CTNNA2: variants seen among roughly 807,000 people sequenced by gnomAD.
CTNNA2 encodes the protein catenin alpha 2.
In CTNNA2, 42 loss-of-function variants were observed where a neutral mutation model predicts 101.0. That is an observed-to-expected ratio of 0.42 (90% CI 0.32 to 0.54). CTNNA2 has a LOEUF of 0.54. CTNNA2 is among the 20% of genes least tolerant of loss of function. The pLI is 0.14. For synonymous variants in CTNNA2, 450 were observed against 456.4 expected, an observed-to-expected ratio of 0.99 and a Z score of 0.18; for missense variants, 871 against 1,223.1, an observed-to-expected ratio of 0.71 and a Z score of 4.29.
At chr2:79,385,996 G>A (rs752021572) in intron 4 of CTNNA2, among the ~76,000 whole-genome samples, 1 of 152,130 alleles carries the variant, frequency 6.6e-6, no homozygotes, top group Non-Finnish European at 1.5e-5. Context: ...AAACATACAT[G>A]TGCATGTGTC....
At chr2:80,288,546 AGGT>A (rs1348134505) in intron 7 of CTNNA2, 1 of 152,180 alleles carries the variant, frequency 6.6e-6, no homozygotes, top group Non-Finnish European at 1.5e-5. Flanking sequence ...GAAAGAATTA[AGGT>A]GAAAAATAAA....
At chr2:79,560,251 T>C (rs967436479) in intron 1 of CTNNA2, among the ~76,000 whole-genome samples, 1 of 151,922 alleles carries the variant, frequency 6.6e-6, no homozygotes, top group African/African-American at 2.4e-5. Context: ...CCTTGGAGGT[T>C]AGAATTAAGT....
At chr2:80,340,089 G>A (rs924725191) in intron 7 of CTNNA2, among the ~76,000 whole-genome samples, 7 of 152,096 alleles carry the variant, frequency 4.6e-5, no homozygotes, top group Non-Finnish European at 8.8e-5. Flanking sequence ...TTCTTCTTTC[G>A]ACTGACAAGG....
intron 9 of CTNNA2, among the ~76,000 whole-genome samples, chr2:80,468,959 A>C (rs1685078096): frequency 6.6e-6 from 1 of 152,100 alleles, no homozygotes; most frequent in Admixed American, 6.5e-5. Flanking sequence ...ATGAAAGCTA[A>C]ATTTTTCAGC....
chr2:80,248,326 G>C (rs545851703), intron 7 of CTNNA2, among the ~76,000 whole-genome samples: 6 of 152,204 alleles, frequency 3.9e-5, no homozygotes, highest in East Asian at 1.9e-4. Context: ...AATTCTTCTT[G>C]TTGTTTCAGA....
intron 3 of CTNNA2, among the ~76,000 whole-genome samples, chr2:79,757,387 A>C (rs577989621): frequency 6.6e-6 from 1 of 152,214 alleles, no homozygotes; most frequent in African/African-American, 2.4e-5. Context: ...TAAATTATAC[A>C]TCTGTATGAA....
At chr2:80,192,216 G>C (rs1706552731) in intron 7 of CTNNA2, among the ~76,000 whole-genome samples, 1 of 152,150 alleles carries the variant, frequency 6.6e-6, no homozygotes, top group South Asian at 2.1e-4. Context: ...TAGATAGGTA[G>C]AAGAAATGTT....
intron 3 of CTNNA2, among the ~76,000 whole-genome samples, chr2:79,761,788 C>T (rs1157409409): frequency 2.0e-5 from 3 of 152,168 alleles, no homozygotes; most frequent in Admixed American, 2.0e-4. Flanking sequence ...GAACTTACTG[C>T]TTTGGTAATA....
intron 7 of CTNNA2, among the ~76,000 whole-genome samples, chr2:80,268,975 G>A (rs1673232040): frequency 6.6e-6 from 1 of 152,194 alleles, no homozygotes; most frequent in African/African-American, 2.4e-5. Context: ...GTTCATGCAA[G>A]TGAGAAGAGA....
At chr2:79,347,260 C>T (rs11894048) in intron 3 of CTNNA2, among the ~76,000 whole-genome samples, 126,491 of 152,088 alleles carry the variant, frequency 0.83, 52,770 homozygotes, top group East Asian at 0.97. Context: ...GAGAAACTTT[C>T]CTCAAGAGCT....
chr2:79,731,838 GTTT>G (rs34010351), intron 2 of CTNNA2, among the ~76,000 whole-genome samples: 30,856 of 149,304 alleles, frequency 0.21, 3,261 homozygotes, highest in Non-Finnish European at 0.23. Flanking sequence ...CTTTATTTTT[GTTT>G]TTTTTTTTTA....
intron 3 of CTNNA2, among the ~76,000 whole-genome samples, chr2:79,344,055 C>T (rs1677200846): frequency 6.6e-6 from 1 of 152,152 alleles, no homozygotes; most frequent in Non-Finnish European, 1.5e-5. Flanking sequence ...TTCATGCTCT[C>T]TTGTAGGTTG....
intron 7 of CTNNA2, among the ~76,000 whole-genome samples, chr2:80,278,201 G>T (rs572768481): frequency 3.3e-5 from 5 of 152,012 alleles, no homozygotes; most frequent in African/African-American, 4.8e-5. Flanking sequence ...TTAAGACAGC[G>T]CCCCAAATAT....
chr2:79,401,454 T>C (rs1425602716), intron 4 of CTNNA2, among the ~76,000 whole-genome samples: 3 of 151,668 alleles, frequency 2.0e-5, no homozygotes, highest in Admixed American at 2.0e-4. Context: ...TGGATGCAAA[T>C]AGCACAAACA....
chr2:79,252,774 C>T (rs1055944709), intron 2 of CTNNA2, among the ~76,000 whole-genome samples: 2 of 151,876 alleles, frequency 1.3e-5, no homozygotes, highest in African/African-American at 4.8e-5. Flanking sequence ...ACATGCCCCC[C>T]CATTACTCCC....
intron 9 of CTNNA2, among the ~76,000 whole-genome samples, chr2:80,493,094 G>A (rs1465768479): frequency 6.6e-6 from 1 of 152,138 alleles, no homozygotes; most frequent in African/African-American, 2.4e-5. Context: ...TTACTTCTGG[G>A]AGGAAAAACA....
At chr2:79,339,767 GAAGTGAAATCTTTGAA>G (rs146471180) in intron 3 of CTNNA2, 3,794 of 152,314 alleles carry the variant, frequency 0.025, 78 homozygotes, top group Non-Finnish European at 0.038. Flanking sequence ...TTTACAACGT[GAAGTGAAATCTTTGAA>G]AAGAAAAATA....
intron 15 of CTNNA2, among the ~76,000 whole-genome samples, chr2:80,595,372 A>G (rs568486598): frequency 6.6e-6 from 1 of 152,220 alleles, no homozygotes; most frequent in East Asian, 1.9e-4. Flanking sequence ...CTTTTTTTAA[A>G]GAATCTTAAG....
intron 7 of CTNNA2, among the ~76,000 whole-genome samples, chr2:80,157,848 A>T (rs992603258): frequency 1.3e-5 from 2 of 152,152 alleles, no homozygotes; most frequent in Non-Finnish European, 2.9e-5. Flanking sequence ...AAAGGTGATG[A>T]GTAGAGGTTG....
Sources: allele counts gnomAD v4.1 joint callset (sites outside exome capture counted in the v4.1 genomes callset), GRCh38; gene constraint gnomAD v4.1.1; transcripts MANE v1.5; gene names NCBI Gene and HGNC (gene_info 2026-07-23, HGNC 2026-07-21).